Variants in GRXCR1 observed in about 807,000 individuals in gnomAD.
GRXCR1 encodes glutaredoxin domain-containing cysteine-rich protein 1.
In GRXCR1, 27 loss-of-function variants were observed where a neutral mutation model predicts 27.3. That is an observed-to-expected ratio of 0.99 (90% CI 0.73 to 1.37). GRXCR1 has a LOEUF of 1.37. Ranked by LOEUF, GRXCR1 falls within the 40% of genes most tolerant of loss-of-function variation. The pLI is 0.00. For missense variants in GRXCR1, 379 were observed against 354.4 expected, an observed-to-expected ratio of 1.07 and a Z score of -0.56; for synonymous variants, 122 against 131.1, an observed-to-expected ratio of 0.93 and a Z score of 0.47.
In GRXCR1 at chr4:42,911,374, A is replaced by G. The variant is rs116230263; in HGVS notation, c.384+17724A>G. ...GTATAAAATCAAACAATAAATCAGT[A>G]CTAATGAACATACAACTTCTGCTGT... is the stretch of plus-strand genomic sequence containing the variant. On this transcript the variant is annotated intron_variant, in intron 1 of 3. Transcript: ENST00000399770. 4.9e-3 allele frequency among the ~76,000 whole-genome samples: 739 copies of G among 152,278 alleles called. 9 individuals carry two copies. Among genetic ancestry groups the G allele is most frequent in the African/African-American group, 0.017 (702 of 41,570 alleles).
intron 1 of GRXCR1, among the ~76,000 whole-genome samples, chr4:42,946,390 G>T (rs1451200570): frequency 2.0e-5 from 3 of 152,020 alleles, no homozygotes; most frequent in African/African-American, 7.2e-5. Flanking sequence ...ATGTCACATT[G>T]TGTTATTATC....
chr4:42,975,639 C>T (rs1016471661), intron 2 of GRXCR1, among the ~76,000 whole-genome samples: 4 of 152,048 alleles, frequency 2.6e-5, no homozygotes, highest in East Asian at 3.9e-4. Flanking sequence ...CTCATATTTC[C>T]GTAGTCACAC....
intron 1 of GRXCR1, among the ~76,000 whole-genome samples, chr4:42,908,273 CA>C (rs747143548): frequency 5.3e-5 from 8 of 152,166 alleles, no homozygotes; most frequent in Non-Finnish European, 1.2e-4. Flanking sequence ...TGACGGTATA[CA>C]TGTTATGGTA....
chr4:42,977,917 AG>A (rs148129335), intron 2 of GRXCR1, among the ~76,000 whole-genome samples: 38 of 152,122 alleles, frequency 2.5e-4, no homozygotes, highest in African/African-American at 9.1e-4. Flanking sequence ...GTTTTCTGCT[AG>A]CAGCTTCATA....
intron 2 of GRXCR1, among the ~76,000 whole-genome samples, chr4:42,995,620 C>T (rs1047342869): frequency 2.0e-5 from 3 of 152,076 alleles, no homozygotes; most frequent in Admixed American, 1.3e-4. Context: ...AAAAGCCACA[C>T]GTGGTGCAAA....
intron 1 of GRXCR1, among the ~76,000 whole-genome samples, chr4:42,945,820 T>A (rs1327998047): frequency 6.6e-6 from 1 of 152,170 alleles, no homozygotes; most frequent in Non-Finnish European, 1.5e-5. Flanking sequence ...TATTCCTCCT[T>A]TCTCTTCTCA....
chr4:42,922,166 T>A (rs1490534993), intron 1 of GRXCR1, among the ~76,000 whole-genome samples: 1 of 152,156 alleles, frequency 6.6e-6, no homozygotes, highest in African/African-American at 2.4e-5. Context: ...TTTATAATGA[T>A]TTGCACAGTC....
chr4:42,909,656 C>T (rs1278990417), intron 1 of GRXCR1, among the ~76,000 whole-genome samples: 6 of 152,078 alleles, frequency 3.9e-5, no homozygotes, highest in African/African-American at 1.2e-4. Flanking sequence ...GTCTATGTTG[C>T]AGTATGAAAT....
At chr4:42,913,870 A>G (rs1036650374) in intron 1 of GRXCR1, among the ~76,000 whole-genome samples, 1 of 152,184 alleles carries the variant, frequency 6.6e-6, no homozygotes, top group African/African-American at 2.4e-5. Flanking sequence ...CAGTGAGGCT[A>G]AAAGGGGTCA....
intron 2 of GRXCR1, among the ~76,000 whole-genome samples, chr4:42,971,178 T>C (rs1370472087): frequency 6.6e-6 from 1 of 152,134 alleles, no homozygotes. Context: ...TCATTGTCCA[T>C]ATCACTATCA....
chr4:42,922,251 G>A (rs1037666918), intron 1 of GRXCR1, among the ~76,000 whole-genome samples: 1 of 152,082 alleles, frequency 6.6e-6, no homozygotes, highest in Non-Finnish European at 1.5e-5. Flanking sequence ...CACTGTCACT[G>A]CCCCTGCCTC....
At chr4:42,906,643 G>A (rs949425106) in intron 1 of GRXCR1, among the ~76,000 whole-genome samples, 1 of 152,080 alleles carries the variant, frequency 6.6e-6, no homozygotes, top group Non-Finnish European at 1.5e-5. Flanking sequence ...TGATTTTATT[G>A]GTCACCAGCA....
intron 1 of GRXCR1, among the ~76,000 whole-genome samples, chr4:42,921,308 C>G (rs1747004649): frequency 6.6e-6 from 1 of 152,054 alleles, no homozygotes; most frequent in Admixed American, 6.6e-5. Flanking sequence ...AACTCAGAGA[C>G]ATGAATTACT....
rs140568400 is a variant in GRXCR1, at chr4:42,903,612, C to T, written c.384+9962C>T. 5.5e-3 allele frequency among the ~76,000 whole-genome samples: 811 copies of T among 148,082 alleles called. 48 individuals are homozygous for T. The highest frequency in any genetic ancestry group is 0.019 in the African/African-American group (776 of 40,752). The stretch of plus-strand genomic sequence containing the variant: ...ATATTCTTAATCACAGCTTTCAAGG[C>T]TCTTCCTCTAATTATGGAATTTCCC... On this transcript the variant is annotated intron_variant, in intron 1 of 3. Transcript: ENST00000399770.
In GRXCR1 at chr4:43,005,820, G is replaced by A. The variant is rs116108731; in HGVS notation, c.628-14534G>A. ...AAGTTTGGAAAGGGACATACAGCAT[G>A]GTCTTCATGAAGCAAATGTTTATGA... On this transcript the variant is annotated intron_variant, in intron 2 of 3. Transcript: ENST00000399770. 4.4e-3 allele frequency among the ~76,000 whole-genome samples: 677 copies of A among 152,262 alleles called. 3 individuals are homozygous for A. The highest frequency in any genetic ancestry group is 0.016 in the African/African-American group (650 of 41,544).
intron 1 of GRXCR1, among the ~76,000 whole-genome samples, chr4:42,912,734 A>C (rs79716935): frequency 0.078 from 11,876 of 152,262 alleles, 924 homozygotes; most frequent in East Asian, 0.35. Context: ...TAGTGATATG[A>C]AATATAAATC....
At chr4:42,970,398 CT>C (rs1404875901) in intron 2 of GRXCR1, among the ~76,000 whole-genome samples, 3 of 152,170 alleles carry the variant, frequency 2.0e-5, no homozygotes, top group Non-Finnish European at 4.4e-5. Flanking sequence ...GACTCTACCC[CT>C]CTGGCTGACT....
chr4:42,958,567 C>G (rs763903610), intron 1 of GRXCR1, among the ~76,000 whole-genome samples: 1 of 151,782 alleles, frequency 6.6e-6, no homozygotes, highest in African/African-American at 2.4e-5. Context: ...CAAGTGGGAG[C>G]ACGCAAAACT....
intron 1 of GRXCR1, among the ~76,000 whole-genome samples, chr4:42,910,529 G>A (rs929118589): frequency 5.3e-5 from 8 of 152,120 alleles, no homozygotes; most frequent in Middle Eastern, 6.3e-3. Context: ...CCATGGAGGA[G>A]TCAGAAAAAG....
Sources: gnomAD v4.1 joint callset for allele counts (sites outside exome capture counted in the v4.1 genomes callset) on GRCh38, gnomAD v4.1.1 for gene constraint, MANE v1.5 for transcripts, NCBI Gene and HGNC (gene_info 2026-07-23, HGNC 2026-07-21) for gene names.